Variants in MPP7 observed in about 807,000 individuals in gnomAD.
MPP7 encodes MAGUK p55 scaffold protein 7, also known as MAGUK p55 subfamily member 7.
Under a neutral mutation model 76.5 loss-of-function variants are expected in MPP7, and 60 were observed. That is an observed-to-expected ratio of 0.78 (90% CI 0.64 to 0.97). The LOEUF is 0.97. MPP7 is among the 50% of genes least tolerant of loss of function. The probability of loss-of-function intolerance (pLI) is 0.00; values close to 1 mark genes in which losing one functional copy is unlikely to be tolerated. For synonymous variants in MPP7, 237 were observed against 244.5 expected (o/e 0.97, Z 0.29); for missense variants, 641 against 694.0 (o/e 0.92, Z 0.86).
At chr10:28,235,060 T>A (rs1361511248) in intron 2 of MPP7, among the ~76,000 whole-genome samples, 4 of 152,216 alleles carry the variant, frequency 2.6e-5, no homozygotes, top group Non-Finnish European at 5.9e-5. Context: ...TCCACCCACC[T>A]CAGCCTCCCG....
In MPP7 at chr10:28,327,519, G is replaced by C. The variant is rs575911136; in HGVS notation, c.-132+2410C>G. 2.5e-3 allele frequency among the ~76,000 whole-genome samples: 387 copies of C among 152,190 alleles called. 1 individual carries two copies. Among genetic ancestry groups the C allele is most frequent in the African/African-American group, 9.0e-3 (375 of 41,538 alleles). ...GATAAAGACAGAAATAACAACTTTT[G>C]ATTTTTTTTAATTTAACAGTTTTTA... On this transcript the variant is annotated intron_variant, in intron 2 of 11. Coordinates refer to the MPP7 transcript ENST00000441595.
chr10:28,325,575 C>A (rs532878019), intron 2 of MPP7, among the ~76,000 whole-genome samples: 16 of 152,132 alleles, frequency 1.1e-4, no homozygotes, highest in African/African-American at 3.6e-4. Context: ...CTCGCTGCAA[C>A]CTCTGTCTCC....
intron 2 of MPP7, among the ~76,000 whole-genome samples, chr10:28,214,733 G>A (rs1227975481): frequency 6.6e-6 from 1 of 152,182 alleles, no homozygotes; most frequent in African/African-American, 2.4e-5. Context: ...TTTGGGAAGG[G>A]ATTCAGTTCA....
intron 8 of MPP7, among the ~76,000 whole-genome samples, chr10:28,122,252 T>A (rs1834865745): frequency 6.6e-6 from 1 of 152,154 alleles, no homozygotes; most frequent in South Asian, 2.1e-4. Context: ...TGTCATTTAA[T>A]AAGGACTCAA....
intron 1 of MPP7, among the ~76,000 whole-genome samples, chr10:28,240,490 T>C (rs995979281): frequency 2.0e-5 from 3 of 152,190 alleles, no homozygotes; most frequent in Non-Finnish European, 4.4e-5. Context: ...TCCTTTATGT[T>C]ATTGCAAAGG....
chr10:28,120,688 G>A lies in MPP7; in HGVS notation c.616-20C>T. On this transcript the variant is annotated intron_variant, in intron 8 of 16. Coordinates refer to ENST00000683449, the MANE Select transcript of MPP7 (RefSeq NM_001318170.2). ...CTGAGCCTGGTAACAGATAAAACAA[G>A]GAGTTATAAGAAAACCAGACCCAAG... The A allele has an allele frequency of 1.3e-6, 2 of 1,598,558 alleles. No individual in the cohort carries two copies. Among genetic ancestry groups the A allele is most frequent in the South Asian group, 1.1e-5 (1 of 90,222 alleles).
intron 2 of MPP7, among the ~76,000 whole-genome samples, chr10:28,230,547 C>T (rs1297370913): frequency 1.3e-5 from 2 of 152,130 alleles, no homozygotes; most frequent in African/African-American, 2.4e-5. Context: ...GGCGCAGTGG[C>T]TCACGCCTGT....
Position 28,097,058 on chromosome 10 carries a change from C to T in MPP7, c.953-7217G>A, listed in dbSNP as rs117721321. On this transcript the variant is annotated intron_variant, in intron 11 of 16. Transcript: ENST00000683449. ...AGGCTGAAGTAAAGTGGTGCGATCA[C>T]GGCTCAGTGTAGCCTCAAACCCCTG... Among the ~76,000 whole-genome samples the T allele has an allele frequency of 7.6e-4, 116 of 152,168 alleles. 1 individual carries two copies. Among genetic ancestry groups the T allele is most frequent in the South Asian group, 2.1e-3 (10 of 4,830 alleles).
intron 3 of MPP7, among the ~76,000 whole-genome samples, chr10:28,158,040 A>T (rs888911528): frequency 6.6e-6 from 1 of 152,208 alleles, no homozygotes. Context: ...CATAAAATAG[A>T]TGTTAAAACG....
chr10:28,154,545 C>T (rs543299718), intron 3 of MPP7, among the ~76,000 whole-genome samples: 72 of 152,176 alleles, frequency 4.7e-4, no homozygotes, highest in African/African-American at 1.6e-3. Context: ...CACCAAAAAC[C>T]GTTTTTAGGC....
intron 2 of MPP7, among the ~76,000 whole-genome samples, chr10:28,318,670 A>G (rs1420339537): frequency 3.3e-5 from 5 of 152,148 alleles, no homozygotes; most frequent in Non-Finnish European, 5.9e-5. Context: ...GGGTGACAAG[A>G]GTGACACTCC....
chr10:28,297,751 A>T (rs897107986), intron 1 of MPP7, among the ~76,000 whole-genome samples: 6 of 152,226 alleles, frequency 3.9e-5, no homozygotes, highest in African/African-American at 1.4e-4. Context: ...GCCTTTCAGA[A>T]AAGATCTCTC....
At chr10:28,074,265 T>C (rs963219551) in intron 12 of MPP7, among the ~76,000 whole-genome samples, 13 of 151,940 alleles carry the variant, frequency 8.6e-5, no homozygotes, top group Non-Finnish European at 1.5e-5. Flanking sequence ...GTGATGCATC[T>C]AGATCCACCT....
At chr10:28,286,354 AT>A (rs141734317) in intron 1 of MPP7, among the ~76,000 whole-genome samples, 21,634 of 151,764 alleles carry the variant, frequency 0.14, 2,078 homozygotes, top group East Asian at 0.46. Context: ...TCAAAAAAAA[AT>A]AATAATAAAA....
chr10:28,308,048 C>T (rs757106170), upstream of MPP7, among the ~76,000 whole-genome samples: 2 of 152,238 alleles, frequency 1.3e-5, no homozygotes, highest in Admixed American at 6.5e-5. Context: ...CACTTCCCCT[C>T]GCTTTCTCAT....
chr10:28,150,107 T>G, intron 3 of MPP7, 48 bp from the exon 4 acceptor site: 1 of 1,308,640 alleles, frequency 7.6e-7, no homozygotes, highest in Middle Eastern at 1.8e-4. Flanking sequence ...GCAAACAATC[T>G]CAGATAGCTG....
intron 11 of MPP7, among the ~76,000 whole-genome samples, chr10:28,090,048 A>C (rs1853221882): frequency 6.6e-6 from 1 of 151,938 alleles, no homozygotes; most frequent in African/African-American, 2.4e-5. Context: ...GCAGTGTTGA[A>C]CTCCTGGGCT....
intron 3 of MPP7, among the ~76,000 whole-genome samples, chr10:28,190,331 C>A (rs536606048): frequency 6.6e-6 from 1 of 152,214 alleles, no homozygotes; most frequent in Admixed American, 6.5e-5. Context: ...CCAACCAAAT[C>A]TAACTGACAT....
chr10:28,269,050 G>A (rs772196489), intron 1 of MPP7, among the ~76,000 whole-genome samples: 3 of 152,142 alleles, frequency 2.0e-5, no homozygotes, highest in African/African-American at 4.8e-5. Flanking sequence ...CAAAAGTAAG[G>A]ACTTTCTTTC....
Sources: allele counts gnomAD v4.1 joint callset (sites outside exome capture counted in the v4.1 genomes callset), GRCh38; gene constraint gnomAD v4.1.1; transcripts MANE v1.5; gene names NCBI Gene and HGNC (gene_info 2026-07-23, HGNC 2026-07-21).